The following ZFP1 variants were observed in gnomAD, a reference collection of about 807,000 sequenced individuals.
The protein encoded by ZFP1 is ZFP1 zinc finger protein, also known as zinc finger protein 1 homolog.
ZFP1 carries 32 observed loss-of-function variants against 38.5 expected under a neutral mutation model. That is an observed-to-expected ratio of 0.83 (90% CI 0.63 to 1.12). ZFP1 has a LOEUF of 1.12. Ranked by LOEUF, ZFP1 falls within the 50% of genes most tolerant of loss-of-function variation. The pLI, the probability that ZFP1 is intolerant of heterozygous loss-of-function variation, is 0.00. For missense variants in ZFP1, 616 were observed against 480.8 expected (o/e 1.28, Z -2.63); for synonymous variants, 245 against 168.8 (o/e 1.45, Z -3.50).
chr16:75,127,954 G>A, the ZFP1 span: 1 of 152,194 alleles, frequency 6.6e-6, no homozygotes, highest in Non-Finnish European at 1.5e-5. Flanking sequence ...AACTATTTGT[G>A]AGTATTCCTA....
intron 2 of ZFP1, among the ~76,000 whole-genome samples, chr16:75,154,859 G>A (rs763118373): frequency 1.3e-5 from 2 of 151,962 alleles, no homozygotes; most frequent in Admixed American, 6.6e-5. Flanking sequence ...ATGTAGTGGC[G>A]TGATCTTGGC....
the ZFP1 span, among the ~76,000 whole-genome samples, chr16:75,142,283 T>C: frequency 1.3e-5 from 2 of 150,936 alleles, no homozygotes; most frequent in Admixed American, 6.6e-5. Context: ...AGGAGAATCA[T>C]TTTAACCCGG....
rs1262905949 is a variant in ZFP1 at position 75,170,066 on chromosome 16, C to CGGGGGAGAAACGCTAT, written c.958_973dup (p.Glu325GlyfsTer6). 1 of 1,613,936 alleles carries CGGGGGAGAAACGCTAT rather than the reference C, an allele frequency of 6.2e-7. No homozygotes were observed. The highest frequency in any genetic ancestry group is 1.3e-5 in the African/African-American group (1 of 74,856). On this transcript the variant is annotated frameshift_variant, in exon 4 of 4. Transcript: ENST00000570010. LOFTEE classifies it high-confidence loss of function. ...CTTATCATACATCAGAAGATTCACA[C>CGGGGGAGAAACGCTAT]GGGGGAGAAACGCTATGAGTGCAGT...
Position 75,166,750 on chromosome 16 carries a change from A to T in ZFP1, c.16-20A>T. ...TCACCAAATGATCATCTTAGGATGAATAACAATATGCCATTTCAGGGATCA... is the reference window on the plus strand; with the variant it reads ...TCACCAAATGATCATCTTAGGATGATTAACAATATGCCATTTCAGGGATCA... On this transcript the variant is annotated intron_variant, in intron 2 of 3. Transcript: ENST00000570010. 6.2e-7 allele frequency: 1 copy of T among 1,614,154 alleles called. No homozygotes were observed.
the ZFP1 span, among the ~76,000 whole-genome samples, chr16:75,127,420 G>A: frequency 6.6e-6 from 1 of 152,072 alleles, no homozygotes; most frequent in Non-Finnish European, 1.5e-5. Context: ...AGCATGAAGA[G>A]GGAAGCATGA....
chr16:75,156,953 C>T (rs891645644), intron 2 of ZFP1, among the ~76,000 whole-genome samples: 6 of 152,138 alleles, frequency 3.9e-5, no homozygotes, highest in African/African-American at 1.2e-4. Flanking sequence ...GTACAGTGGC[C>T]GCAGGTATCT....
the ZFP1 span, among the ~76,000 whole-genome samples, chr16:75,139,711 A>T: frequency 1.3e-5 from 2 of 152,116 alleles, no homozygotes; most frequent in Non-Finnish European, 2.9e-5. Context: ...GAGGCCTTGG[A>T]CAAGCCAGGT....
chr16:75,161,304 A>G (rs1470795548), intron 2 of ZFP1, among the ~76,000 whole-genome samples: 4 of 151,762 alleles, frequency 2.6e-5, no homozygotes, highest in Admixed American at 2.6e-4. Flanking sequence ...CCTGGCTACA[A>G]GTGATCTCCC....
intron 2 of ZFP1, among the ~76,000 whole-genome samples, chr16:75,161,757 A>AATATATATATATATATATAT (rs1338490455): frequency 0.021 from 301 of 14,236 alleles, 42 homozygotes; most frequent in African/African-American, 0.026. Context: ...AGTTTTATGA[A>AATATATATATATATATATAT]ATATATATAT....
Position 75,170,803 on chromosome 16 carries a change from GT to G in ZFP1, c.*474del, listed in dbSNP as rs1755180932. ...ATTTTCCATACTAAACATCACATGT[GT>G]TTTTCAGTATCTCTGCAATCCAGTA... On this transcript the variant is annotated 3_prime_UTR_variant, in exon 4 of 4. Coordinates refer to ENST00000570010, the MANE Select transcript of ZFP1 (RefSeq NM_153688.4). 1 of 154,356 alleles carries G rather than the reference GT, an allele frequency of 6.5e-6. No individual in the cohort carries two copies. The highest frequency in any genetic ancestry group is 1.4e-5 in the Non-Finnish European group (1 of 69,460). 9.6% of individuals were successfully genotyped at this position (154,356 alleles called of 1,614,324 possible).
At chr16:75,128,181 C>G in the ZFP1 span, among the ~76,000 whole-genome samples, 1 of 152,188 alleles carries the variant, frequency 6.6e-6, no homozygotes, top group Non-Finnish European at 1.5e-5. Flanking sequence ...GGGTTCCTGA[C>G]CTGTGGTAAG....
chr16:75,119,491 G>A, the ZFP1 span: 1 of 152,032 alleles, frequency 6.6e-6, no homozygotes, highest in Admixed American at 6.6e-5. Flanking sequence ...CTCCTTTATG[G>A]TGTTTGAGCT....
At chr16:75,164,098 T>G (rs1250498808) in intron 2 of ZFP1, among the ~76,000 whole-genome samples, 1 of 152,258 alleles carries the variant, frequency 6.6e-6, no homozygotes, top group Non-Finnish European at 1.5e-5. Flanking sequence ...TGTTTATTGA[T>G]GTTCCTGTGG....
Position 75,170,138 on chromosome 16 carries a change from T to C in ZFP1, c.1028T>C (p.Met343Thr), listed in dbSNP as rs1643693371. The C allele has an allele frequency of 6.2e-7, 1 of 1,614,044 alleles. No individual in the cohort carries two copies. The highest frequency in any genetic ancestry group is 8.5e-7 in the Non-Finnish European group (1 of 1,179,980). Residue 343 changes from methionine (M) to threonine (T), a missense_variant, in exon 4 of 4, where the codon ATG becomes ACG. By Grantham distance (81) the Met-to-Thr change is moderately conservative. Transcript: ENST00000570010. ...FIQNSQLIIH[M>T]RTHTGEKPYE... is the part of the protein sequence containing the mutation. ...CAGAACTCACAGCTCATCATACACA[T>C]GAGAACTCATACAGGAGAGAAACCC...
chr16:75,132,254 C>T, the ZFP1 span, among the ~76,000 whole-genome samples: 3 of 150,902 alleles, frequency 2.0e-5, no homozygotes, highest in African/African-American at 7.3e-5. Context: ...CCAGGCATGG[C>T]GGCATATGCC....
chr16:75,138,516 G>T, the ZFP1 span, among the ~76,000 whole-genome samples: 1 of 152,210 alleles, frequency 6.6e-6, no homozygotes, highest in Non-Finnish European at 1.5e-5. Context: ...GTCGAATCAC[G>T]TCCTCCCAAA....
At chr16:75,161,427 A>G (rs1452046504) in intron 2 of ZFP1, among the ~76,000 whole-genome samples, 2 of 151,668 alleles carry the variant, frequency 1.3e-5, no homozygotes, top group Non-Finnish European at 2.9e-5. Flanking sequence ...GCATGATCGT[A>G]AATGTGTGGC....
the ZFP1 span, among the ~76,000 whole-genome samples, chr16:75,132,098 A>T: frequency 1.3e-5 from 2 of 152,046 alleles, no homozygotes; most frequent in African/African-American, 4.8e-5. Flanking sequence ...TGTTAAAGAA[A>T]CTGGGTAAGC....
At chr16:75,135,861 C>G in the ZFP1 span, among the ~76,000 whole-genome samples, 1 of 152,206 alleles carries the variant, frequency 6.6e-6, no homozygotes, top group African/African-American at 2.4e-5. Flanking sequence ...GTCACCCAGG[C>G]TGGAGTACAG....
Sources: gnomAD v4.1 joint callset for allele counts (sites outside exome capture counted in the v4.1 genomes callset) on GRCh38, gnomAD v4.1.1 for gene constraint, MANE v1.5 for transcripts, NCBI Gene and HGNC (gene_info 2026-07-23, HGNC 2026-07-21) for gene names.